TMEM117: variants seen among roughly 807,000 people sequenced by gnomAD.
TMEM117 encodes the protein transmembrane protein 117.
In TMEM117, 27 loss-of-function variants were observed where a neutral mutation model predicts 52.4. The ratio of observed to expected loss-of-function variants is 0.51; its 90% confidence interval spans 0.38 to 0.71. TMEM117 has a LOEUF of 0.71. TMEM117 is among the 30% of genes least tolerant of loss of function. The pLI is 0.00. For synonymous variants in TMEM117, 215 were observed against 206.3 expected, an observed-to-expected ratio of 1.04 and a Z score of -0.36; for missense variants, 556 against 630.5, an observed-to-expected ratio of 0.88 and a Z score of 1.26.
chr12:43,956,403 G>T (rs1175488056), intron 3 of TMEM117, among the ~76,000 whole-genome samples: 1 of 149,526 alleles, frequency 6.7e-6, no homozygotes, highest in Non-Finnish European at 1.5e-5. Flanking sequence ...TCTGACTAAG[G>T]TCTAATATCC....
intron 3 of TMEM117, among the ~76,000 whole-genome samples, chr12:43,971,020 C>CTCTCTGT (rs565862077): frequency 2.4e-3 from 360 of 152,254 alleles, no homozygotes; most frequent in African/African-American, 7.7e-3. Context: ...CCTTGCCACC[C>CTCTCTGT]TCTCTGTTCC....
In TMEM117 at chr12:43,955,939, T is replaced by C. The variant is rs148489251; in HGVS notation, c.410+11597T>C. 4.9e-4 allele frequency among the ~76,000 whole-genome samples: 74 copies of C among 152,014 alleles called. No individual in the cohort carries two copies. In the East Asian group the frequency reaches 0.013, roughly 26 times the overall value. On this transcript the variant is annotated intron_variant, in intron 3 of 7. Coordinates refer to ENST00000266534, the MANE Select transcript of TMEM117 (RefSeq NM_032256.3). ...AAACAGCATGGTACTGGTACGAAAATAGGCACGTAGACCATTGGAACAGAA... is the reference window on the plus strand; with the variant it reads ...AAACAGCATGGTACTGGTACGAAAACAGGCACGTAGACCATTGGAACAGAA...
At chr12:44,188,650 T>C (rs1181445119) in intron 4 of TMEM117, among the ~76,000 whole-genome samples, 2 of 152,098 alleles carry the variant, frequency 1.3e-5, no homozygotes, top group Non-Finnish European at 2.9e-5. Context: ...TCAAATGTCA[T>C]CTTCTCAATA....
intron 2 of TMEM117, among the ~76,000 whole-genome samples, chr12:43,935,040 C>T (rs1944928724): frequency 6.6e-6 from 1 of 152,078 alleles, no homozygotes; most frequent in Non-Finnish European, 1.5e-5. Context: ...CAAGGTCTCA[C>T]TCTGTCACCC....
rs11182338 is a variant in TMEM117 at position 43,930,594 on chromosome 12, G to C, written c.278-13616G>C. 1.1e-3 allele frequency among the ~76,000 whole-genome samples: 168 copies of C among 152,224 alleles called. 2 individuals are homozygous for C. In the East Asian group the frequency reaches 0.028, roughly 25 times the overall value. On this transcript the variant is annotated intron_variant, in intron 2 of 7. Transcript: ENST00000266534. The stretch of plus-strand genomic sequence containing the variant: ...CTTTCAAGTCTTGCCTGCCTTGCTT[G>C]CTTTTTGATGCCTTCAAACAGTGGC...
At chr12:43,830,142 C>T in the TMEM117 span, among the ~76,000 whole-genome samples, 3 of 150,548 alleles carry the variant, frequency 2.0e-5, 1 homozygote, top group Non-Finnish European at 4.4e-5. Context: ...CACAATTGCC[C>T]CTCTCTGTCA....
At chr12:43,818,045 G>T in the TMEM117 span, among the ~76,000 whole-genome samples, 1 of 152,106 alleles carries the variant, frequency 6.6e-6, no homozygotes, top group African/African-American at 2.4e-5. Context: ...ATATGGGAGA[G>T]GTTTAACTTT....
chr12:44,339,773 G>T (rs1043579658), intron 6 of TMEM117, among the ~76,000 whole-genome samples: 10 of 151,706 alleles, frequency 6.6e-5, no homozygotes, highest in African/African-American at 2.2e-4. Flanking sequence ...AAAGTACTTT[G>T]CTTTGAATTG....
At chr12:44,070,782 C>T (rs1947289900) in intron 3 of TMEM117, among the ~76,000 whole-genome samples, 1 of 152,182 alleles carries the variant, frequency 6.6e-6, no homozygotes, top group Non-Finnish European at 1.5e-5. Context: ...GAGGCATTAC[C>T]AATTGCATTC....
At chr12:44,204,371 A>T (rs28838075) in intron 4 of TMEM117, among the ~76,000 whole-genome samples, 34,125 of 152,106 alleles carry the variant, frequency 0.22, 6,633 homozygotes, top group African/African-American at 0.53. Flanking sequence ...CAGGTGGAAG[A>T]TGTATCTACA....
At chr12:44,378,077 TCA>T (rs1357324668) in intron 7 of TMEM117, among the ~76,000 whole-genome samples, 1 of 152,312 alleles carries the variant, frequency 6.6e-6, no homozygotes, top group Non-Finnish European at 1.5e-5. Flanking sequence ...AAAACAGCTA[TCA>T]CACACATGGC....
At chr12:43,865,009 T>C (rs558881852) in intron 2 of TMEM117, among the ~76,000 whole-genome samples, 1 of 151,732 alleles carries the variant, frequency 6.6e-6, no homozygotes, top group Admixed American at 6.6e-5. Flanking sequence ...ACCGTGAAGG[T>C]CTGCAGCTTC....
At chr12:44,108,247 C>G (rs1947997113) in intron 3 of TMEM117, among the ~76,000 whole-genome samples, 2 of 149,788 alleles carry the variant, frequency 1.3e-5, no homozygotes, top group Middle Eastern at 3.4e-3. Flanking sequence ...GGTACATGTG[C>G]ACATTGTGCA....
downstream of TMEM117, among the ~76,000 whole-genome samples, chr12:44,392,086 G>A (rs1015989449): frequency 6.6e-6 from 1 of 152,286 alleles, no homozygotes. Context: ...TAATTAGTGA[G>A]TATAAATATA....
chr12:44,192,721 A>T (rs78349871), intron 4 of TMEM117, among the ~76,000 whole-genome samples: 15 of 152,192 alleles, frequency 9.9e-5, no homozygotes, highest in African/African-American at 3.4e-4. Context: ...CCATTTGCTA[A>T]GAGCTTGGAC....
intron 7 of TMEM117, among the ~76,000 whole-genome samples, chr12:44,380,849 A>G (rs1317808075): frequency 2.0e-5 from 3 of 152,074 alleles, no homozygotes; most frequent in Admixed American, 1.3e-4. Context: ...CACTATTCTG[A>G]GTTTTCTACT....
chr12:43,804,667 A>T, the TMEM117 span: 1 of 786,210 alleles, frequency 1.3e-6, no homozygotes, highest in Middle Eastern at 3.7e-4. Context: ...CAAAGAAAAA[A>T]TCTGGAGCAT....
chr12:44,352,330 AC>A (rs1951575088), intron 6 of TMEM117, among the ~76,000 whole-genome samples: 1 of 152,060 alleles, frequency 6.6e-6, no homozygotes, highest in Admixed American at 6.6e-5. Context: ...ATTTTAGGGT[AC>A]ATGTGCACAA....
the TMEM117 span, among the ~76,000 whole-genome samples, chr12:43,822,479 CTTTTTTT>C: frequency 7.4e-6 from 1 of 134,746 alleles, no homozygotes; most frequent in Non-Finnish European, 1.6e-5. Context: ...CTTTAAATAT[CTTTTTTT>C]TTTTTTTTTT....
Sources: gnomAD v4.1 joint callset for allele counts (sites outside exome capture counted in the v4.1 genomes callset) on GRCh38, gnomAD v4.1.1 for gene constraint, MANE v1.5 for transcripts, NCBI Gene and HGNC (gene_info 2026-07-23, HGNC 2026-07-21) for gene names.